Variants in TENT4A observed in about 807,000 individuals in gnomAD.
TENT4A encodes the protein terminal nucleotidyltransferase 4A.
TENT4A carries 7 observed loss-of-function variants against 72.8 expected under a neutral mutation model. That is an observed-to-expected ratio of 0.10 (90% CI 0.05 to 0.18). The LOEUF (loss-of-function observed/expected upper bound fraction) is 0.18, where lower values mean the gene tolerates loss of function less well. Ranked by LOEUF, TENT4A falls within the 10% of genes least tolerant of loss-of-function variation. The pLI is 1.00. For missense variants in TENT4A, 831 were observed against 1,017.7 expected, an observed-to-expected ratio of 0.82 and a Z score of 2.50; for synonymous variants, 456 against 434.3, an observed-to-expected ratio of 1.05 and a Z score of -0.62.
At chr5:6,722,180 C>T (rs1343928593) in intron 1 of TENT4A, among the ~76,000 whole-genome samples, 3 of 152,054 alleles carry the variant, frequency 2.0e-5, no homozygotes, top group African/African-American at 7.3e-5. Context: ...CCTCAGTTTC[C>T]CCCCCTGTGA....
At chr5:6,749,044 G>A (rs1227471570) in intron 8 of TENT4A, among the ~76,000 whole-genome samples, 1 of 152,198 alleles carries the variant, frequency 6.6e-6, no homozygotes, top group African/African-American at 2.4e-5. Flanking sequence ...GAGTAACGTG[G>A]TCGTCAAGAG....
intron 1 of TENT4A, among the ~76,000 whole-genome samples, chr5:6,716,637 C>T (rs1457661586): frequency 5.9e-5 from 9 of 152,152 alleles, no homozygotes; most frequent in Non-Finnish European, 1.2e-4. Context: ...CATCTCCAAT[C>T]CCCCACATTA....
At chr5:6,716,897 G>C (rs1376735769) in intron 1 of TENT4A, among the ~76,000 whole-genome samples, 1 of 152,230 alleles carries the variant, frequency 6.6e-6, no homozygotes, top group African/African-American at 2.4e-5. Flanking sequence ...TGTGTACCAT[G>C]CCTCCAGTAT....
In TENT4A at chr5:6,713,751, C is replaced by G. The variant is rs1450981438; in HGVS notation, c.-233C>G. On this transcript the variant is annotated 5_prime_UTR_variant, in exon 1 of 13. Transcript: ENST00000230859. ...CGCGCCAAGCGCCGGAGCCGCCCGC[C>G]GCGGCCTGCCGGGGCCCATCACCGC... 6.8e-6 allele frequency: 1 copy of G among 146,474 alleles called. No homozygotes were observed. The highest frequency in any genetic ancestry group is 2.0e-4 in the East Asian group (1 of 5,028). The allele number at this position is 146,474 out of a possible 1,614,324, so 9.1% of individuals were successfully genotyped here.
At chr5:6,733,884 A>G (rs76888920) in intron 1 of TENT4A, among the ~76,000 whole-genome samples, 1 of 152,198 alleles carries the variant, frequency 6.6e-6, no homozygotes, top group South Asian at 2.1e-4. Flanking sequence ...TTAGTATTGA[A>G]TGAGATAATC....
At chr5:6,728,419 C>T (rs903407568) in intron 1 of TENT4A, among the ~76,000 whole-genome samples, 16 of 152,204 alleles carry the variant, frequency 1.1e-4, no homozygotes, top group Non-Finnish European at 1.6e-4. Flanking sequence ...GTTGGCCTTA[C>T]TGGTGTGGTT....
intron 6 of TENT4A, among the ~76,000 whole-genome samples, chr5:6,744,310 A>C (rs1469658175): frequency 6.6e-6 from 1 of 152,266 alleles, no homozygotes; most frequent in Non-Finnish European, 1.5e-5. Flanking sequence ...TTGCTGAGTA[A>C]CATGGAAAAT....
Position 6,714,715 on chromosome 5 carries a change from G to C in TENT4A, c.716+16G>C. 1.7e-6 allele frequency: 2 copies of C among 1,174,576 alleles called. No homozygotes were observed. The highest frequency in any genetic ancestry group is 2.1e-6 in the Non-Finnish European group (2 of 947,528). 72.8% of individuals were successfully genotyped at this position (1,174,576 alleles called of 1,614,324 possible). On this transcript the variant is annotated intron_variant, in intron 1 of 12. Transcript: ENST00000230859. ...GCATCCAGGGGTGAGTGCGCGGGGA[G>C]GCCGCGGGGGCGGGGGCGGGGCCCA...
At position 6,748,406 on chromosome 5, in the gene TENT4A, A is replaced by G. The variant is rs192440686; in HGVS notation, c.1460-58A>G. 7.5e-6 allele frequency: 12 copies of G among 1,599,520 alleles called. No individual in the cohort carries two copies. In the Admixed American group the frequency reaches 2.0e-4, roughly 27 times the overall value. On this transcript the variant is annotated intron_variant, in intron 7 of 12. Transcript: ENST00000230859. Reference sequence around the variant, plus strand: ...AGAGTCACTTGTATGAGAAGATCCAAAACATGTGGACGATGGTGTGCATGT... The same window carrying G: ...AGAGTCACTTGTATGAGAAGATCCAGAACATGTGGACGATGGTGTGCATGT...
Position 6,742,496 on chromosome 5 carries a change from A to G in TENT4A, c.1015A>G (p.Ile339Val). 1 of 1,604,536 alleles carries G rather than the reference A, an allele frequency of 6.2e-7. No individual in the cohort carries two copies. Among genetic ancestry groups the G allele is most frequent in the Non-Finnish European group, 8.5e-7 (1 of 1,171,178 alleles). Residue 339 changes from isoleucine to valine, a missense_variant, in exon 5 of 13, where the codon ATA (isoleucine) becomes GTA (valine). Ile to Val is a conservative substitution (Grantham distance 29, BLOSUM62 3). Around this residue, in one of 3 missense-constraint regions of TENT4A, gnomAD observed 197 missense variants for 399.6 expected, o/e 0.49. Transcript: ENST00000230859. ...TAAAATGAAATCTTTACAGGTACCA[A>G]TAATAAAGCTCACAGATCAGGAGAC... ...IKVLDKATVP[I>V]IKLTDQETEV... is the part of the protein sequence containing the mutation.
Position 6,756,348 on chromosome 5 carries a change from A to T in TENT4A, c.*1403A>T, listed in dbSNP as rs1162794376. 1 of 152,510 alleles carries T rather than the reference A, an allele frequency of 6.6e-6. No homozygotes were observed. The highest frequency in any genetic ancestry group is 2.4e-5 in the African/African-American group (1 of 41,408). 9.4% of individuals were successfully genotyped at this position (152,510 alleles called of 1,614,324 possible). A position where few individuals can be genotyped will look rare whatever the true frequency, so the allele number is the denominator to read the frequency against. On this transcript the variant is annotated 3_prime_UTR_variant, in exon 13 of 13. Coordinates refer to ENST00000230859, the MANE Select transcript of TENT4A (RefSeq NM_006999.6). ...AGGCCATCTGACTTCCTGTTTTTAA[A>T]ACGGGGGTCTGGTCTTGCTAAACAC... is the stretch of plus-strand genomic sequence containing the variant.
chr5:6,731,664 C>T (rs1241549439), intron 1 of TENT4A, among the ~76,000 whole-genome samples: 1 of 152,138 alleles, frequency 6.6e-6, no homozygotes, highest in Non-Finnish European at 1.5e-5. Context: ...CATCAGCCTC[C>T]TGACTAGCTG....
At chr5:6,743,869 G>A (rs1482619712) in intron 6 of TENT4A, 29 bp downstream of exon 6, 1 of 1,609,410 alleles carries the variant, frequency 6.2e-7, no homozygotes, top group Non-Finnish European at 8.5e-7. Flanking sequence ...GACTGTTTCT[G>A]TTGAGACATG....
chr5:6,749,703 T>C (rs1166364565), intron 9 of TENT4A, 46 bp downstream of exon 9: 2 of 1,246,022 alleles, frequency 1.6e-6, no homozygotes, highest in African/African-American at 2.9e-5. Context: ...CTGGCTGGCA[T>C]GTTCATGCAG....
Position 6,721,243 on chromosome 5 carries a change from G to A in TENT4A, c.716+6544G>A, listed in dbSNP as rs550076017. Among the ~76,000 whole-genome samples, 6 of 152,358 alleles carry A rather than the reference G, an allele frequency of 3.9e-5. No homozygotes were observed. In the South Asian group the frequency reaches 1.0e-3, roughly 26 times the overall value. On this transcript the variant is annotated intron_variant, in intron 1 of 12. Transcript: ENST00000230859. The stretch of plus-strand genomic sequence containing the variant: ...AGGATCTGCCAACTCAGGAGAGCAG[G>A]TGGGGGATGGCAAGTCTTCGGAGTA...
intron 1 of TENT4A, among the ~76,000 whole-genome samples, chr5:6,734,312 C>G (rs1741357600): frequency 6.6e-6 from 1 of 152,232 alleles, no homozygotes; most frequent in African/African-American, 2.4e-5. Context: ...GGCCCCCAAC[C>G]CTCGCCCTCT....
chr5:6,735,759 CTT>C (rs1159786956), intron 1 of TENT4A, among the ~76,000 whole-genome samples: 18 of 139,246 alleles, frequency 1.3e-4, no homozygotes, highest in Admixed American at 2.1e-4. Flanking sequence ...TTTTTTCTTA[CTT>C]TTTTTTTTTT....
intron 1 of TENT4A, 41 bp downstream of exon 1, chr5:6,714,740 A>G (rs984517356): frequency 1.1e-4 from 80 of 743,886 alleles, no homozygotes; most frequent in South Asian, 3.1e-4. Flanking sequence ...GGCGGGGCCC[A>G]TGGTCCTGGC....
intron 6 of TENT4A, among the ~76,000 whole-genome samples, chr5:6,745,689 T>C (rs1448388428): frequency 6.6e-6 from 1 of 152,192 alleles, no homozygotes; most frequent in Non-Finnish European, 1.5e-5. Flanking sequence ...TGCTCATCTG[T>C]GTGACAAGCA....
Sources: allele counts gnomAD v4.1 joint callset (sites outside exome capture counted in the v4.1 genomes callset), GRCh38; gene constraint gnomAD v4.1.1; regional missense constraint gnomAD v4.1.1; transcripts MANE v1.5; gene names NCBI Gene and HGNC (gene_info 2026-07-23, HGNC 2026-07-21).